CSMD1: variants seen among roughly 807,000 people sequenced by gnomAD.
CSMD1 encodes CUB and sushi domain-containing protein 1.
A neutral mutation model predicts 417.5 loss-of-function variants in CSMD1; 213 were observed. The observed-to-expected ratio is 0.51, with a 90% CI of 0.46 to 0.57. The LOEUF (loss-of-function observed/expected upper bound fraction) is 0.57, where lower values mean the gene tolerates loss of function less well. CSMD1 is among the 20% of genes least tolerant of loss of function. CSMD1 has a pLI of 0.00. For synonymous variants in CSMD1, 2,862 were observed against 1,736.8 expected (o/e 1.65, Z -16.11); for missense variants, 6,923 against 4,529.7 (o/e 1.53, Z -15.17).
At chr8:4,944,189 T>C (rs1436104407) in intron 1 of CSMD1, among the ~76,000 whole-genome samples, 1 of 152,152 alleles carries the variant, frequency 6.6e-6, no homozygotes, top group African/African-American at 2.4e-5. Flanking sequence ...GAACTTAGAT[T>C]TGGAAATTCC....
At chr8:3,809,572 G>T (rs972356894) in intron 5 of CSMD1, among the ~76,000 whole-genome samples, 3 of 152,140 alleles carry the variant, frequency 2.0e-5, no homozygotes, top group Non-Finnish European at 2.9e-5. Context: ...GGGAGAGCTT[G>T]TGAAAGTGTA....
intron 1 of CSMD1, among the ~76,000 whole-genome samples, chr8:4,924,739 A>AC (rs1177565243): frequency 1.3e-5 from 2 of 151,468 alleles, no homozygotes; most frequent in Admixed American, 6.6e-5. Flanking sequence ...AAAAAAAAAA[A>AC]AAAAAACCTA....
chr8:4,961,849 G>C (rs375346763), intron 1 of CSMD1, among the ~76,000 whole-genome samples: 2 of 151,686 alleles, frequency 1.3e-5, no homozygotes, highest in Non-Finnish European at 2.9e-5. Flanking sequence ...TCCACGTCTT[G>C]ATTTCACTTT....
At chr8:3,593,212 C>T (rs113003430) in intron 8 of CSMD1, among the ~76,000 whole-genome samples, 168 of 152,342 alleles carry the variant, frequency 1.1e-3, no homozygotes, top group African/African-American at 3.9e-3. Context: ...GGGACCAAGA[C>T]CCAAGCTGGG....
intron 49 of CSMD1, 115 bp downstream of exon 49, chr8:3,086,982 A>G (rs1386361731): frequency 1.2e-5 from 12 of 967,220 alleles, no homozygotes; most frequent in Non-Finnish European, 1.9e-5. Flanking sequence ...ATAAGCCAAC[A>G]TTCAATTTTT....
In CSMD1 at chr8:4,530,239, C is replaced by A. The variant is rs550537107; in HGVS notation, c.302+107103G>T. ...GCCATTGTTATTTGTGACTGCATACCATGCTCCATTTTGTGTCTTCATCAT... is the reference window on the plus strand; with the variant it reads ...GCCATTGTTATTTGTGACTGCATACAATGCTCCATTTTGTGTCTTCATCAT... On this transcript the variant is annotated intron_variant, in intron 2 of 69. Coordinates refer to ENST00000635120, the MANE Select transcript of CSMD1 (RefSeq NM_033225.6). Among the ~76,000 whole-genome samples the A allele has an allele frequency of 1.6e-4, 24 of 147,976 alleles. No homozygotes were observed. The East Asian group carries it at 4.7e-3, about 29-fold the overall frequency.
chr8:4,947,849 C>T (rs1489694402), intron 1 of CSMD1, among the ~76,000 whole-genome samples: 1 of 152,104 alleles, frequency 6.6e-6, no homozygotes, highest in Non-Finnish European at 1.5e-5. Flanking sequence ...TTTATCCTCA[C>T]TGCTATACAA....
intron 8 of CSMD1, among the ~76,000 whole-genome samples, chr8:3,592,171 G>C (rs1800878478): frequency 6.6e-6 from 1 of 152,046 alleles, no homozygotes; most frequent in African/African-American, 2.4e-5. Flanking sequence ...TGGTTAGGTA[G>C]ATAGATTGAC....
chr8:4,480,082 G>A (rs948437293), intron 2 of CSMD1, among the ~76,000 whole-genome samples: 2 of 151,584 alleles, frequency 1.3e-5, no homozygotes, highest in African/African-American at 4.9e-5. Context: ...GAAGTTTGAA[G>A]TAGCTGAACC....
At chr8:4,116,962 T>G (rs939500104) in intron 3 of CSMD1, among the ~76,000 whole-genome samples, 57 of 152,078 alleles carry the variant, frequency 3.7e-4, no homozygotes, top group Non-Finnish European at 2.5e-4. Flanking sequence ...AGAATCAGGC[T>G]GGTAAGAGGC....
At chr8:4,362,674 A>G (rs1246964267) in intron 3 of CSMD1, among the ~76,000 whole-genome samples, 1 of 152,206 alleles carries the variant, frequency 6.6e-6, no homozygotes, top group Non-Finnish European at 1.5e-5. Context: ...CAGTGAAATA[A>G]AAGAAATTAT....
At chr8:3,410,853 C>G (rs758399837) in intron 12 of CSMD1, among the ~76,000 whole-genome samples, 7 of 152,136 alleles carry the variant, frequency 4.6e-5, no homozygotes, top group Non-Finnish European at 7.4e-5. Context: ...ATCCTCCCAC[C>G]TGAGACTCCC....
intron 1 of CSMD1, among the ~76,000 whole-genome samples, chr8:4,755,415 T>C (rs1811604936): frequency 6.6e-6 from 1 of 152,242 alleles, no homozygotes; most frequent in South Asian, 2.1e-4. Flanking sequence ...TTCTGATGAC[T>C]TCAAGTACTT....
intron 5 of CSMD1, among the ~76,000 whole-genome samples, chr8:3,881,369 C>G (rs1806192057): frequency 6.6e-6 from 1 of 151,102 alleles, no homozygotes; most frequent in South Asian, 2.1e-4. Flanking sequence ...GGTGCGGTGG[C>G]TTATGCCTAT....
At chr8:4,802,084 T>G (rs12678702) in intron 1 of CSMD1, among the ~76,000 whole-genome samples, 1 of 152,120 alleles carries the variant, frequency 6.6e-6, no homozygotes, top group Non-Finnish European at 1.5e-5. Context: ...TGATGACATA[T>G]AGAAAATATT....
At chr8:3,737,071 A>C (rs895243176) in intron 6 of CSMD1, among the ~76,000 whole-genome samples, 2 of 152,220 alleles carry the variant, frequency 1.3e-5, no homozygotes, top group African/African-American at 4.8e-5. Context: ...TTTGAAAGTC[A>C]GTGTTCATTT....
chr8:4,825,118 A>T (rs567741257), intron 1 of CSMD1, among the ~76,000 whole-genome samples: 9 of 152,118 alleles, frequency 5.9e-5, no homozygotes, highest in Non-Finnish European at 1.2e-4. Context: ...AACACAAATC[A>T]AGGTAATTTT....
intron 4 of CSMD1, among the ~76,000 whole-genome samples, chr8:4,030,781 G>A (rs762681006): frequency 6.6e-6 from 1 of 152,108 alleles, no homozygotes; most frequent in Non-Finnish European, 1.5e-5. Context: ...GAACTTTTAT[G>A]CTTTGCTTGC....
Position 3,800,690 on chromosome 8 carries a change from T to C in CSMD1, c.819-46648A>G, listed in dbSNP as rs948723668. On this transcript the variant is annotated intron_variant, in intron 5 of 69. Transcript: ENST00000635120. ...TTGGTGATATTCTCGTGGGAGTGAGTGAGTTCTTGTTCTGACAAGGTAAGA... is the reference window on the plus strand; with the variant it reads ...TTGGTGATATTCTCGTGGGAGTGAGCGAGTTCTTGTTCTGACAAGGTAAGA... 7.2e-5 allele frequency among the ~76,000 whole-genome samples: 11 copies of C among 152,156 alleles called. No individual in the cohort carries two copies. The East Asian group carries it at 2.1e-3, about 30-fold the overall frequency.
Sources: allele counts gnomAD v4.1 joint callset (sites outside exome capture counted in the v4.1 genomes callset), GRCh38; gene constraint gnomAD v4.1.1; transcripts MANE v1.5; gene names NCBI Gene and HGNC (gene_info 2026-07-23, HGNC 2026-07-21).